FBXL5: variants seen among roughly 807,000 people sequenced by gnomAD.
FBXL5 encodes F-box/LRR-repeat protein 5.
FBXL5 carries 26 observed loss-of-function variants against 78.3 expected under a neutral mutation model. The observed-to-expected ratio is 0.33, with a 90% CI of 0.24 to 0.46. The LOEUF (loss-of-function observed/expected upper bound fraction) is 0.46. Among genes scored for constraint, FBXL5 ranks in the 20% least tolerant of loss-of-function variants. The pLI, the probability that FBXL5 is intolerant of heterozygous loss-of-function variation, is 1.00. For missense variants in FBXL5, 710 were observed against 829.2 expected (o/e 0.86, Z 1.77); for synonymous variants, 295 against 282.5 (o/e 1.04, Z -0.45).
intron 5 of FBXL5, among the ~76,000 whole-genome samples, 176 bp from the exon 6 acceptor site, chr4:15,630,967 G>GC (rs1713581141): frequency 6.6e-6 from 1 of 152,098 alleles, no homozygotes; most frequent in Non-Finnish European, 1.5e-5. Context: ...TGCACAACGT[G>GC]CAAGTTTGTT....
chr4:15,617,150 A>G lies in FBXL5; in HGVS notation c.1851-4736T>C, dbSNP rs1046467026. 7.9e-5 allele frequency among the ~76,000 whole-genome samples: 12 copies of G among 152,336 alleles called. No individual in the cohort carries two copies. In the East Asian group the frequency reaches 2.3e-3, roughly 29 times the overall value. ...AAAGGACTATAAATCATTCTATTAT[A>G]AAGACATATGCATGCCTATTTTTAT... On this transcript the variant is annotated intron_variant, in intron 9 of 10. Coordinates refer to ENST00000341285, the MANE Select transcript of FBXL5 (RefSeq NM_012161.4).
intron 1 of FBXL5, among the ~76,000 whole-genome samples, chr4:15,666,491 T>A (rs190101222): frequency 6.6e-6 from 1 of 152,246 alleles, no homozygotes; most frequent in African/African-American, 2.4e-5. Flanking sequence ...AGGATGATGG[T>A]TACCAGAGGC....
At chr4:15,614,936 G>A (rs1238491595) in intron 9 of FBXL5, among the ~76,000 whole-genome samples, 2 of 152,152 alleles carry the variant, frequency 1.3e-5, no homozygotes, top group African/African-American at 2.4e-5. Flanking sequence ...GTGGGAACCG[G>A]GGCTGCGTGC....
chr4:15,644,442 C>A, intron 2 of FBXL5, 51 bp downstream of exon 2: 1 of 1,466,822 alleles, frequency 6.8e-7, no homozygotes, highest in Non-Finnish European at 9.4e-7. Flanking sequence ...CAATGATATA[C>A]CAGAAGATGG....
upstream of FBXL5, among the ~76,000 whole-genome samples, chr4:15,661,349 T>C (rs1209918126): frequency 4.6e-5 from 7 of 152,242 alleles, no homozygotes; most frequent in South Asian, 6.2e-4. Flanking sequence ...TGTAAAGGGA[T>C]AGTGAGTCTC....
At chr4:15,675,572 ATTTTTTTTTTT>A (rs60660814) in intron 1 of FBXL5, among the ~76,000 whole-genome samples, 4 of 96,682 alleles carry the variant, frequency 4.1e-5, no homozygotes, top group East Asian at 6.3e-4. Flanking sequence ...CAAAACTCCT[ATTTTTTTTTTT>A]TTTTTTTTTT....
At chr4:15,615,755 TA>T (rs1711780419) in intron 9 of FBXL5, among the ~76,000 whole-genome samples, 2 of 151,682 alleles carry the variant, frequency 1.3e-5, no homozygotes, top group African/African-American at 4.8e-5. Flanking sequence ...TCAGGGATTG[TA>T]AACGCACCAA....
intron 8 of FBXL5, 81 bp from the exon 9 acceptor site, chr4:15,626,058 C>G (rs1713030229): frequency 1.6e-6 from 2 of 1,260,028 alleles, no homozygotes; most frequent in Admixed American, 5.9e-5. Context: ...AGATGAAAAC[C>G]AGAAGAAAGA....
chr4:15,677,357 C>T (rs1718032042), intron 1 of FBXL5, among the ~76,000 whole-genome samples: 1 of 152,128 alleles, frequency 6.6e-6, no homozygotes, highest in African/African-American at 2.4e-5. Context: ...TTTTATACTT[C>T]ATAATATATC....
intron 2 of FBXL5, 84 bp from the exon 3 acceptor site, chr4:15,640,967 T>C (rs533839379): frequency 5.1e-5 from 34 of 665,476 alleles, no homozygotes; most frequent in Non-Finnish European, 8.0e-5. Flanking sequence ...AAATGTGACA[T>C]AAAACCTCCG....
chr4:15,626,794 TATG>T (rs1713106392), intron 8 of FBXL5, 76 bp downstream of exon 8: 1 of 1,004,344 alleles, frequency 1.0e-6, no homozygotes, highest in South Asian at 1.6e-5. Context: ...AAAATAATAG[TATG>T]ATTAAACTGC....
chr4:15,649,395 C>T (rs1331879685), intron 1 of FBXL5, among the ~76,000 whole-genome samples: 1 of 151,724 alleles, frequency 6.6e-6, no homozygotes, highest in Admixed American at 6.6e-5. Context: ...ATGGTGAAAC[C>T]CCATCTCTGC....
At chr4:15,630,902 C>A (rs1453317255) in intron 5 of FBXL5, 111 bp from the exon 6 acceptor site, 3 of 1,364,690 alleles carry the variant, frequency 2.2e-6, no homozygotes, top group African/African-American at 1.5e-5. Context: ...AACATCTGAG[C>A]CCTAGGCAAT....
chr4:15,662,106 C>T (rs961353051), upstream of FBXL5, among the ~76,000 whole-genome samples: 1 of 150,864 alleles, frequency 6.6e-6, no homozygotes, highest in Admixed American at 6.6e-5. Flanking sequence ...CATGCCTATG[C>T]TACTGGTCAT....
chr4:15,644,268 C>T (rs1205618431), intron 2 of FBXL5, among the ~76,000 whole-genome samples: 1 of 152,212 alleles, frequency 6.6e-6, no homozygotes, highest in East Asian at 1.9e-4. Flanking sequence ...TAAATCCCTA[C>T]TTGTCCTTAC....
At chr4:15,662,042 C>G (rs1467716440), upstream of FBXL5, among the ~76,000 whole-genome samples, 1 of 152,198 alleles carries the variant, frequency 6.6e-6, no homozygotes, top group Non-Finnish European at 1.5e-5. Context: ...TGATTTCAAA[C>G]CCAAAATAAG....
chr4:15,671,173 T>C (rs1214668905), intron 1 of FBXL5, among the ~76,000 whole-genome samples: 2 of 151,818 alleles, frequency 1.3e-5, no homozygotes, highest in African/African-American at 4.8e-5. Context: ...ATTTGCCAGC[T>C]TCAGCCTTCC....
At chr4:15,629,527 T>C (rs982271943) in intron 6 of FBXL5, among the ~76,000 whole-genome samples, 3 of 152,158 alleles carry the variant, frequency 2.0e-5, no homozygotes, top group Non-Finnish European at 2.9e-5. Context: ...GAATATATTT[T>C]ACCTGTATTT....
At chr4:15,633,258 C>T (rs181140876) in intron 5 of FBXL5, among the ~76,000 whole-genome samples, 78 of 152,294 alleles carry the variant, frequency 5.1e-4, no homozygotes, top group African/African-American at 1.8e-3. Flanking sequence ...TATGTATCTA[C>T]TTTCTATACA....
Sources: allele counts gnomAD v4.1 joint callset (sites outside exome capture counted in the v4.1 genomes callset), GRCh38; gene constraint gnomAD v4.1.1; transcripts MANE v1.5; gene names NCBI Gene and HGNC (gene_info 2026-07-23, HGNC 2026-07-21).